CSMD2: variants seen among roughly 807,000 people sequenced by gnomAD.
CSMD2 encodes CUB and Sushi multiple domains 2, also known as CUB and sushi domain-containing protein 2.
Under a neutral mutation model 398.5 loss-of-function variants are expected in CSMD2, and 130 were observed. The observed-to-expected ratio is 0.33, with a 90% CI of 0.28 to 0.38. CSMD2 has a LOEUF of 0.38. Ranked by LOEUF, CSMD2 falls within the 10% of genes least tolerant of loss-of-function variation. The pLI is 1.00. For missense variants in CSMD2, 3,829 were observed against 4,764.9 expected (o/e 0.80, Z 5.78); for synonymous variants, 1,828 against 1,908.5 (o/e 0.96, Z 1.10).
chr1:33,537,428 C>A lies in CSMD2; in HGVS notation c.9805+8G>T. The A allele has an allele frequency of 6.2e-7, 1 of 1,608,130 alleles. No individual in the cohort carries two copies. The highest frequency in any genetic ancestry group is 8.5e-7 in the Non-Finnish European group (1 of 1,176,684). ...CCAAGACGCTCCCTGCTCCAGATGA[C>A]CTCTCACCTATGCAGCTGGGCTGGG... On this transcript the variant is annotated splice_region_variant and intron_variant, in intron 61 of 70. Transcript: ENST00000373381. This position sits in a 1 kb window ranked among gnomAD's most constrained non-coding sequence, Gnocchi z 4.6.
intron 13 of CSMD2, among the ~76,000 whole-genome samples, chr1:33,755,693 G>A (rs1354743322): frequency 6.6e-6 from 1 of 152,156 alleles, no homozygotes; most frequent in Non-Finnish European, 1.5e-5. Flanking sequence ...TCTCTAGGCT[G>A]CAGTGCAGTG....
intron 3 of CSMD2, among the ~76,000 whole-genome samples, chr1:33,971,865 G>C: frequency 6.6e-6 from 1 of 152,174 alleles, no homozygotes; most frequent in East Asian, 1.9e-4. Flanking sequence ...CTTCCAAAGA[G>C]GCAAAGGAGA....
chr1:34,077,478 A>G (rs866210624), intron 2 of CSMD2, among the ~76,000 whole-genome samples: 1 of 134,352 alleles, frequency 7.4e-6, no homozygotes, highest in Non-Finnish European at 1.6e-5. Context: ...AAAAAAAAAA[A>G]GCAGTGAGGA....
chr1:33,899,673 G>T (rs1642622662), intron 5 of CSMD2, among the ~76,000 whole-genome samples: 1 of 152,188 alleles, frequency 6.6e-6, no homozygotes, highest in African/African-American at 2.4e-5. Context: ...AAATTAGGAG[G>T]TCTCTGTACA....
intron 3 of CSMD2, among the ~76,000 whole-genome samples, chr1:34,008,345 C>A (rs1183301188): frequency 2.0e-5 from 3 of 152,218 alleles, no homozygotes; most frequent in African/African-American, 7.2e-5. Flanking sequence ...TAGTGAGCAG[C>A]ATGGCTGGGA....
chr1:34,081,070 A>G (rs1276600494), intron 2 of CSMD2, among the ~76,000 whole-genome samples: 1 of 152,174 alleles, frequency 6.6e-6, no homozygotes, highest in Admixed American at 6.5e-5. Context: ...TTAGGATAAT[A>G]GACTTGACAC....
At chr1:33,919,914 A>T (rs2125287724) in intron 4 of CSMD2, among the ~76,000 whole-genome samples, 1 of 152,374 alleles carries the variant, frequency 6.6e-6, no homozygotes, top group South Asian at 2.1e-4. Context: ...AGCTGTGAAT[A>T]AAACAAAAAT....
chr1:33,714,911 C>G, intron 20 of CSMD2, 136 bp from the exon 21 acceptor site: 1 of 801,954 alleles, frequency 1.2e-6, no homozygotes, highest in Non-Finnish European at 2.0e-6. Context: ...CATGCGCACA[C>G]TGGCCCACAA....
At chr1:33,950,957 C>T (rs143267669) in intron 3 of CSMD2, among the ~76,000 whole-genome samples, 3 of 152,192 alleles carry the variant, frequency 2.0e-5, no homozygotes, top group Non-Finnish European at 4.4e-5. Flanking sequence ...GCTGTTAATT[C>T]CAGCTCCTAA....
intron 4 of CSMD2, among the ~76,000 whole-genome samples, chr1:33,934,270 A>G (rs1644399346): frequency 6.6e-6 from 1 of 152,228 alleles, no homozygotes; most frequent in African/African-American, 2.4e-5. Flanking sequence ...GATCCATGGA[A>G]TTTAGAGATG....
At chr1:33,625,338 G>T in intron 33 of CSMD2, 84 bp from the exon 34 acceptor site, 1 of 1,312,598 alleles carries the variant, frequency 7.6e-7, no homozygotes, top group Non-Finnish European at 1.1e-6. Flanking sequence ...CTGGAACAAA[G>T]ACCGTCTGGA....
chr1:33,967,708 G>GT (rs1321230561), intron 3 of CSMD2, among the ~76,000 whole-genome samples: 7 of 152,200 alleles, frequency 4.6e-5, no homozygotes, highest in Non-Finnish European at 8.8e-5. Context: ...GGGCCAATAG[G>GT]TTTGGGGGGC....
chr1:33,716,037 G>A (rs1330620126), intron 20 of CSMD2, among the ~76,000 whole-genome samples: 1 of 152,080 alleles, frequency 6.6e-6, no homozygotes, highest in African/African-American at 2.4e-5. Context: ...GCCATGTTCA[G>A]AGCAAATCCT....
chr1:33,641,031 C>G (rs1054769085), intron 29 of CSMD2, among the ~76,000 whole-genome samples: 1 of 152,146 alleles, frequency 6.6e-6, no homozygotes, highest in Non-Finnish European at 1.5e-5. Context: ...AAACTCTTCC[C>G]TCTGAAACGC....
chr1:34,133,844 G>C (rs1638413643), intron 1 of CSMD2, among the ~76,000 whole-genome samples: 1 of 151,914 alleles, frequency 6.6e-6, no homozygotes. Flanking sequence ...GCCGAGGTGG[G>C]CGGATCACGA....
chr1:33,642,065 G>C (rs1227866299), intron 29 of CSMD2, among the ~76,000 whole-genome samples: 1 of 152,132 alleles, frequency 6.6e-6, no homozygotes, highest in African/African-American at 2.4e-5. Context: ...AAAGCCAAGA[G>C]TGATCTGGGC....
At chr1:33,877,444 C>G (rs1046275566) in intron 5 of CSMD2, among the ~76,000 whole-genome samples, 1 of 152,192 alleles carries the variant, frequency 6.6e-6, no homozygotes, top group Non-Finnish European at 1.5e-5. Flanking sequence ...TGGCTTGATG[C>G]AATCCCAGAT....
intron 3 of CSMD2, among the ~76,000 whole-genome samples, chr1:34,009,426 G>A (rs1052664830): frequency 6.6e-6 from 1 of 151,942 alleles, no homozygotes; most frequent in Non-Finnish European, 1.5e-5. Context: ...CTGAAGCCAG[G>A]AGACACTGTG....
At chr1:34,145,488 G>A (rs72888122) in intron 1 of CSMD2, among the ~76,000 whole-genome samples, 2,370 of 152,340 alleles carry the variant, frequency 0.016, 67 homozygotes, top group African/African-American at 0.054. Flanking sequence ...CCCCTTGGCA[G>A]CATCTCCCAG....
Sources: allele counts gnomAD v4.1 joint callset (sites outside exome capture counted in the v4.1 genomes callset), GRCh38; gene constraint gnomAD v4.1.1; non-coding constraint Gnocchi (gnomAD v3.1); transcripts MANE v1.5; gene names NCBI Gene and HGNC (gene_info 2026-07-23, HGNC 2026-07-21).